Variants in BCL2 observed in about 807,000 individuals in gnomAD.
The protein encoded by BCL2 is apoptosis regulator Bcl-2.
A neutral mutation model predicts 14.2 loss-of-function variants in BCL2; 1 was observed. The observed-to-expected ratio is 0.07, with a 90% CI of 0.02 to 0.33. The LOEUF (loss-of-function observed/expected upper bound fraction) is 0.33, where lower values mean the gene tolerates loss of function less well. Among genes scored for constraint, BCL2 ranks in the 10% least tolerant of loss-of-function variants. The pLI is 0.99. For missense variants in BCL2, 247 were observed against 305.9 expected (o/e 0.81, Z 1.44); for synonymous variants, 151 against 137.2 (o/e 1.10, Z -0.70).
At chr18:63,218,600 C>A (rs1910273814) in intron 2 of BCL2, among the ~76,000 whole-genome samples, 2 of 78,514 alleles carry the variant, frequency 2.5e-5, no homozygotes, top group Admixed American at 1.4e-4. Flanking sequence ...GTCTCTCCAC[C>A]ACCATCCACT....
intron 2 of BCL2, among the ~76,000 whole-genome samples, chr18:63,247,267 C>T (rs1276691677): frequency 1.3e-5 from 2 of 150,790 alleles, no homozygotes; most frequent in East Asian, 1.9e-4. Flanking sequence ...GATGCAATCT[C>T]GGCTCACTGC....
At chr18:63,256,548 G>A (rs911942159) in intron 2 of BCL2, among the ~76,000 whole-genome samples, 3 of 152,184 alleles carry the variant, frequency 2.0e-5, no homozygotes, top group Non-Finnish European at 4.4e-5. Context: ...GACAGTGAAA[G>A]CGTGACTTAC....
intron 2 of BCL2, among the ~76,000 whole-genome samples, chr18:63,178,376 C>T (rs1422044614): frequency 6.6e-6 from 1 of 152,098 alleles, no homozygotes; most frequent in Non-Finnish European, 1.5e-5. Context: ...GAGGGCGGGG[C>T]GCTGTGTAAT....
At chr18:63,302,955 A>G in intron 2 of BCL2, 1 of 906,712 alleles carries the variant, frequency 1.1e-6, no homozygotes, top group Non-Finnish European at 1.3e-6. Flanking sequence ...TGGTTGCTGA[A>G]GGTGGGTTTG....
intron 2 of BCL2, among the ~76,000 whole-genome samples, chr18:63,277,316 C>T (rs749600217): frequency 2.0e-5 from 3 of 152,150 alleles, no homozygotes. Context: ...TCCCCAGCAC[C>T]AAGAACAGTG....
intron 2 of BCL2, among the ~76,000 whole-genome samples, chr18:63,193,611 T>TGTGC (rs1406006622): frequency 6.8e-6 from 1 of 147,968 alleles, no homozygotes; most frequent in Non-Finnish European, 1.5e-5. Flanking sequence ...TGTGTGTGTG[T>TGTGC]ATACACACAC....
rs1245296976 is a variant in BCL2, at chr18:63,319,502, C to T, written c.-615G>A. On this transcript the variant is annotated 5_prime_UTR_variant, in exon 1 of 3. Coordinates refer to ENST00000333681, the MANE Select transcript of BCL2 (RefSeq NM_000633.3). ...TTCGCAGAAGTCCTGTGATGTTTTC[C>T]CCTTCTCGGCAATTTACACGCGCGC... 8.7e-6 allele frequency: 2 copies of T among 229,414 alleles called. No homozygotes were observed. Among genetic ancestry groups the T allele is most frequent in the African/African-American group, 2.2e-5 (1 of 45,064 alleles). 14.2% of individuals were successfully genotyped at this position (229,414 alleles called of 1,614,324 possible).
intron 2 of BCL2, among the ~76,000 whole-genome samples, chr18:63,223,622 T>G (rs894500922): frequency 5.3e-5 from 8 of 152,112 alleles, no homozygotes; most frequent in Admixed American, 5.2e-4. Flanking sequence ...GTCTCATTCC[T>G]CATCTCAGCT....
At chr18:63,225,718 C>T (rs1468477898) in intron 2 of BCL2, among the ~76,000 whole-genome samples, 2 of 152,098 alleles carry the variant, frequency 1.3e-5, no homozygotes, top group African/African-American at 2.4e-5. Flanking sequence ...CCACCCCTCA[C>T]GGAGGTGGAG....
chr18:63,208,532 C>T (rs1367917513), intron 2 of BCL2, among the ~76,000 whole-genome samples: 1 of 150,880 alleles, frequency 6.6e-6, no homozygotes, highest in Non-Finnish European at 1.5e-5. Context: ...GAGGGAACAG[C>T]GTGGATAAAG....
At chr18:63,167,306 C>T (rs1915069046) in intron 2 of BCL2, among the ~76,000 whole-genome samples, 1 of 152,068 alleles carries the variant, frequency 6.6e-6, no homozygotes, top group African/African-American at 2.4e-5. Context: ...TCTTTCTCTC[C>T]ATCCAACATC....
chr18:63,225,885 G>T (rs888794850), intron 2 of BCL2, among the ~76,000 whole-genome samples: 10 of 152,170 alleles, frequency 6.6e-5, no homozygotes, highest in African/African-American at 2.4e-4. Context: ...TGCCATCCAT[G>T]GACGCCTTAA....
intron 2 of BCL2, among the ~76,000 whole-genome samples, chr18:63,236,063 T>TC (rs1377172594): frequency 6.6e-6 from 1 of 152,090 alleles, no homozygotes; most frequent in Non-Finnish European, 1.5e-5. Context: ...GGTGGGTTTT[T>TC]CCCAAGTTCT....
At position 63,156,062 on chromosome 18, in the gene BCL2, A is replaced by G. The variant is rs998070674; in HGVS notation, c.586-27303T>C. Among the ~76,000 whole-genome samples, 3 of 128,962 alleles carry G rather than the reference A, an allele frequency of 2.3e-5. No homozygotes were observed. In the Admixed American group the frequency reaches 2.9e-4, roughly 13 times the overall value. 84.6% of individuals were successfully genotyped at this position (128,962 alleles called of 152,430 possible). On this transcript the variant is annotated intron_variant, in intron 2 of 2. Transcript: ENST00000333681. ...ATTTTAGCCCTGAGTGTCCCAGTTA[A>G]TATTCATGAGGCTTGCTGAGAAGCC...
At chr18:63,300,766 G>A (rs1912941782) in intron 2 of BCL2, among the ~76,000 whole-genome samples, 1 of 152,136 alleles carries the variant, frequency 6.6e-6, no homozygotes, top group African/African-American at 2.4e-5. Flanking sequence ...AGGAGCCGTA[G>A]AGATCTTTGT....
chr18:63,135,357 T>C (rs1914182178), intron 2 of BCL2, among the ~76,000 whole-genome samples: 1 of 152,206 alleles, frequency 6.6e-6, no homozygotes, highest in South Asian at 2.1e-4. Flanking sequence ...TGAAGAAAGT[T>C]ACCCAACCTT....
intron 2 of BCL2, among the ~76,000 whole-genome samples, chr18:63,268,354 A>G (rs548999935): frequency 2.0e-5 from 3 of 152,360 alleles, no homozygotes; most frequent in Non-Finnish European, 2.9e-5. Context: ...GATTTCTAAA[A>G]GGGCATACAT....
rs752219121 is a variant in BCL2 at position 63,318,025 on chromosome 18, C to T, written c.585+57G>A. On this transcript the variant is annotated intron_variant, in intron 2 of 2. Transcript: ENST00000333681. The surrounding 1 kb of genome is among the most constrained non-coding windows in gnomAD (Gnocchi z 7.4). ...CCCCAGGAGCCCACCCGCACTCCAACCCCCGCATCTCGGACCTGTGGCCTC... is the reference window on the plus strand; with the variant it reads ...CCCCAGGAGCCCACCCGCACTCCAATCCCCGCATCTCGGACCTGTGGCCTC... 4 of 1,583,040 alleles carry T rather than the reference C, an allele frequency of 2.5e-6. No homozygotes were observed. Among genetic ancestry groups the T allele is most frequent in the South Asian group, 1.1e-5 (1 of 87,464 alleles).
At chr18:63,172,199 A>G (rs1328353092) in intron 2 of BCL2, among the ~76,000 whole-genome samples, 1 of 152,206 alleles carries the variant, frequency 6.6e-6, no homozygotes, top group Non-Finnish European at 1.5e-5. Flanking sequence ...AATCCTAATG[A>G]ACAATTTCTA....
Sources: gnomAD v4.1 joint callset for allele counts (sites outside exome capture counted in the v4.1 genomes callset) on GRCh38, gnomAD v4.1.1 for gene constraint, Gnocchi (gnomAD v3.1) non-coding constraint, MANE v1.5 for transcripts, NCBI Gene and HGNC (gene_info 2026-07-23, HGNC 2026-07-21) for gene names.